IL1RN: variants seen among roughly 807,000 people sequenced by gnomAD.
IL1RN encodes interleukin-1 receptor antagonist protein.
Under a neutral mutation model 13.7 loss-of-function variants are expected in IL1RN, and 10 were observed. The observed-to-expected ratio is 0.73, with a 90% CI of 0.45 to 1.24. The LOEUF is 1.24. IL1RN is among the 50% of genes most tolerant of loss of function. The pLI, the probability that IL1RN is intolerant of heterozygous loss-of-function variation, is 0.00. For missense variants in IL1RN, 213 were observed against 222.1 expected (o/e 0.96, Z 0.26); for synonymous variants, 102 against 82.7 (o/e 1.23, Z -1.27).
At chr2:113,117,817 C>A, upstream of IL1RN, 1 of 643,982 alleles carries the variant, frequency 1.6e-6, no homozygotes, top group South Asian at 1.8e-5. Context: ...TCTCCTCATG[C>A]TGGCCAACCC....
chr2:113,107,160 T>G (rs1686398448), upstream of IL1RN: 1 of 152,152 alleles, frequency 6.6e-6, no homozygotes, highest in East Asian at 1.9e-4. Flanking sequence ...GCACCAATAT[T>G]GAGGAGTTAA....
At position 113,133,154 on chromosome 2, in the gene IL1RN, G is replaced by A. The variant is rs776406634; in HGVS notation, c.*283G>A. 11 of 497,130 alleles carry A rather than the reference G, an allele frequency of 2.2e-5. No individual in the cohort carries two copies. Among genetic ancestry groups the A allele is most frequent in the East Asian group, 3.8e-5 (1 of 26,022 alleles). The allele number at this position is 497,130 out of a possible 1,614,324, so 30.8% of individuals were successfully genotyped here. ...GCCTCTGCATTCAGGATCAAACCCC[G>A]ACCACCTGCCCAACCTGCTCTCCTC... On this transcript the variant is annotated 3_prime_UTR_variant, in exon 4 of 4. Transcript: ENST00000409930.
chr2:113,123,862 A>G (rs950540063), upstream of IL1RN, among the ~76,000 whole-genome samples: 1 of 152,218 alleles, frequency 6.6e-6, no homozygotes, highest in Non-Finnish European at 1.5e-5. Flanking sequence ...CAAAAAAGGA[A>G]CCAAATGGAA....
At chr2:113,128,348 G>A (rs933847945) in intron 1 of IL1RN, among the ~76,000 whole-genome samples, 1 of 152,236 alleles carries the variant, frequency 6.6e-6, no homozygotes, top group Admixed American at 6.5e-5. Flanking sequence ...ATGTGATGCT[G>A]ATAGAAATGA....
At chr2:113,108,454 CCTTCT>C (rs1345857408), upstream of IL1RN, among the ~76,000 whole-genome samples, 1 of 144,330 alleles carries the variant, frequency 6.9e-6, no homozygotes, top group Non-Finnish European at 1.5e-5. Flanking sequence ...GTTCCCCTTC[CCTTCT>C]CTTATCTTAT....
upstream of IL1RN, among the ~76,000 whole-genome samples, chr2:113,105,603 G>A (rs1686375235): frequency 6.6e-6 from 1 of 152,206 alleles, no homozygotes; most frequent in Non-Finnish European, 1.5e-5. Context: ...TCTGAGAACT[G>A]TGCAGCTCAG....
upstream of IL1RN, among the ~76,000 whole-genome samples, chr2:113,126,025 TG>T (rs1346656120): frequency 6.6e-6 from 1 of 152,230 alleles, no homozygotes; most frequent in Non-Finnish European, 1.5e-5. Context: ...CTTGAACTCC[TG>T]ACCTCAGGTG....
At chr2:113,102,619 T>A (rs1794071), upstream of IL1RN, among the ~76,000 whole-genome samples, 1 of 152,056 alleles carries the variant, frequency 6.6e-6, no homozygotes, top group Non-Finnish European at 1.5e-5. Flanking sequence ...GGGCTGAGTC[T>A]GAAAGAGAGT....
At chr2:113,118,127 C>T (rs1686642458) in intron 1 of IL1RN, 7 of 1,594,620 alleles carry the variant, frequency 4.4e-6, no homozygotes, top group Middle Eastern at 3.3e-4. Flanking sequence ...GGTGAGCAAG[C>T]GTCCAGGAAA....
the IL1RN span, among the ~76,000 whole-genome samples, chr2:113,102,019 G>A: frequency 2.6e-5 from 4 of 152,108 alleles, no homozygotes; most frequent in Admixed American, 6.5e-5. Flanking sequence ...TGCCCACCTC[G>A]GTCTCCCAAA....
the IL1RN span, among the ~76,000 whole-genome samples, chr2:113,099,723 CTTTTCTT>C: frequency 1.1e-3 from 82 of 72,214 alleles, 2 homozygotes; most frequent in African/African-American, 3.8e-3. Flanking sequence ...CCTCTTCTTT[CTTTTCTT>C]TTTTTTTTTT....
upstream of IL1RN, among the ~76,000 whole-genome samples, chr2:113,123,954 C>CT (rs1686866651): frequency 6.6e-6 from 1 of 152,190 alleles, no homozygotes; most frequent in Non-Finnish European, 1.5e-5. Context: ...GACAGCTGTG[C>CT]TAAACACTTT....
Position 113,132,934 on chromosome 2 carries a change from C to T in IL1RN, c.*63C>T. ...AAGGACTGCAGGGACTGCCAGTCCCCCTGCCCCAGGGCTCCCGGCTATGGG... is the reference window on the plus strand; with the variant it reads ...AAGGACTGCAGGGACTGCCAGTCCCTCTGCCCCAGGGCTCCCGGCTATGGG... On this transcript the variant is annotated 3_prime_UTR_variant, in exon 4 of 4. Coordinates refer to ENST00000409930, the MANE Select transcript of IL1RN (RefSeq NM_173842.3). 1 of 1,512,700 alleles carries T rather than the reference C, an allele frequency of 6.6e-7. No homozygotes were observed. The highest frequency in any genetic ancestry group is 9.2e-7 in the Non-Finnish European group (1 of 1,088,350). 93.7% of individuals were successfully genotyped at this position (1,512,700 alleles called of 1,614,324 possible).
chr2:113,100,368 G>A, the IL1RN span, among the ~76,000 whole-genome samples: 12 of 151,754 alleles, frequency 7.9e-5, no homozygotes, highest in East Asian at 2.3e-3. Flanking sequence ...ATTATTTTGA[G>A]GCCAGGCGTA....
chr2:113,099,725 TTTC>T, the IL1RN span, among the ~76,000 whole-genome samples: 8,254 of 29,924 alleles, frequency 0.28, 1,421 homozygotes, highest in African/African-American at 0.4. Context: ...TCTTCTTTCT[TTTC>T]TTTTTTTTTT....
intron 1 of IL1RN, among the ~76,000 whole-genome samples, chr2:113,111,413 T>C (rs56341434): frequency 0.46 from 69,881 of 152,034 alleles, 16,336 homozygotes; most frequent in Middle Eastern, 0.57. Flanking sequence ...TCAGTTTATT[T>C]GTCTGTAAAA....
At chr2:113,104,219 A>G (rs572220208), upstream of IL1RN, among the ~76,000 whole-genome samples, 8 of 152,210 alleles carry the variant, frequency 5.3e-5, no homozygotes, top group Non-Finnish European at 1.2e-4. Context: ...TTAGCTGGTC[A>G]CTTTGAAAGG....
At chr2:113,118,104 G>A (rs1686641799) in intron 1 of IL1RN, 3 of 1,610,784 alleles carry the variant, frequency 1.9e-6, no homozygotes, top group Non-Finnish European at 2.5e-6. Flanking sequence ...TTTATCAAAT[G>A]CTTTCAGGCT....
intron 1 of IL1RN, 112 bp downstream of exon 1, chr2:113,127,852 C>T: frequency 1.0e-6 from 1 of 1,004,340 alleles, no homozygotes; most frequent in Non-Finnish European, 1.5e-6. Context: ...TGGGTTTGGG[C>T]TGGAGAGGAT....
Sources: allele counts gnomAD v4.1 joint callset (sites outside exome capture counted in the v4.1 genomes callset), GRCh38; gene constraint gnomAD v4.1.1; transcripts MANE v1.5; gene names NCBI Gene and HGNC (gene_info 2026-07-23, HGNC 2026-07-21).